The following TBC1D19 variants were observed in gnomAD, a reference collection of about 807,000 sequenced individuals.
The protein encoded by TBC1D19 is TBC1 domain family member 19.
TBC1D19 carries 60 observed loss-of-function variants against 89.0 expected under a neutral mutation model. The observed-to-expected ratio is 0.67, with a 90% confidence interval of 0.55 to 0.84. The LOEUF is 0.84. TBC1D19 is among the 40% of genes least tolerant of loss of function. The pLI is 0.00. For missense variants in TBC1D19, 500 were observed against 610.8 expected, an observed-to-expected ratio of 0.82 and a Z score of 1.91; for synonymous variants, 189 against 199.7, an observed-to-expected ratio of 0.95 and a Z score of 0.45.
At chr4:26,688,918 A>G (rs1714044715) in intron 13 of TBC1D19, among the ~76,000 whole-genome samples, 1 of 152,068 alleles carries the variant, frequency 6.6e-6, no homozygotes, top group Admixed American at 6.6e-5. Flanking sequence ...TAATTTATAT[A>G]GAATTGCTTA....
intron 15 of TBC1D19, among the ~76,000 whole-genome samples, chr4:26,727,385 C>G (rs1030884936): frequency 1.3e-5 from 2 of 152,058 alleles, no homozygotes; most frequent in African/African-American, 4.8e-5. Context: ...TTTTTTGGAG[C>G]CTTAAGCCCA....
At chr4:26,781,118 T>C in the TBC1D19 span, among the ~76,000 whole-genome samples, 2 of 152,162 alleles carry the variant, frequency 1.3e-5, no homozygotes, top group Non-Finnish European at 2.9e-5. Context: ...TTAGAAATAA[T>C]TGTCAGACAC....
At chr4:26,804,370 T>C in the TBC1D19 span, among the ~76,000 whole-genome samples, 581 of 152,346 alleles carry the variant, frequency 3.8e-3, 4 homozygotes, top group Middle Eastern at 0.01. Flanking sequence ...GGTCTTGAAC[T>C]GCTGACCTCA....
chr4:26,579,373 G>T (rs1157030645), upstream of TBC1D19, among the ~76,000 whole-genome samples: 2 of 152,132 alleles, frequency 1.3e-5, no homozygotes, highest in African/African-American at 4.8e-5. Flanking sequence ...ATGTGACAAA[G>T]CTTCAGGCAG....
the TBC1D19 span, among the ~76,000 whole-genome samples, chr4:26,822,732 C>A: frequency 6.6e-6 from 1 of 152,168 alleles, no homozygotes; most frequent in Non-Finnish European, 1.5e-5. Context: ...TAGCTACAGT[C>A]AATCTGCAAC....
At chr4:26,852,555 T>TTAAA in the TBC1D19 span, among the ~76,000 whole-genome samples, 71 of 152,172 alleles carry the variant, frequency 4.7e-4, no homozygotes, top group African/African-American at 1.7e-3. Flanking sequence ...AGACCCTGTC[T>TTAAA]TAAATAAATA....
At chr4:26,791,900 A>G in the TBC1D19 span, among the ~76,000 whole-genome samples, 22 of 152,328 alleles carry the variant, frequency 1.4e-4, no homozygotes, top group African/African-American at 5.3e-4. Context: ...AGCTGGGGCT[A>G]TCAATTTGGA....
intron 15 of TBC1D19, among the ~76,000 whole-genome samples, chr4:26,735,040 G>A (rs13141525): frequency 4.8e-5 from 7 of 147,002 alleles, no homozygotes; most frequent in East Asian, 4.0e-4. Context: ...ATATGTATAT[G>A]TGTACACACA....
At chr4:26,674,109 A>G (rs1253245427) in intron 11 of TBC1D19, among the ~76,000 whole-genome samples, 2 of 152,114 alleles carry the variant, frequency 1.3e-5, no homozygotes, top group Non-Finnish European at 2.9e-5. Flanking sequence ...AATTAATGAA[A>G]TGGTGTGACC....
chr4:26,741,640 T>A (rs1295748435), intron 17 of TBC1D19, among the ~76,000 whole-genome samples: 2 of 151,848 alleles, frequency 1.3e-5, no homozygotes, highest in African/African-American at 4.8e-5. Context: ...TTTTTTTTTT[T>A]TTATTCAGAG....
chr4:26,801,259 T>C, the TBC1D19 span, among the ~76,000 whole-genome samples: 1 of 151,888 alleles, frequency 6.6e-6, no homozygotes, highest in African/African-American at 2.4e-5. Context: ...ATTTATTAAA[T>C]AGGAAATCCT....
intron 7 of TBC1D19, among the ~76,000 whole-genome samples, 179 bp downstream of exon 7, chr4:26,640,366 A>G (rs76159151): frequency 0.011 from 1,707 of 152,326 alleles, 34 homozygotes; most frequent in African/African-American, 0.039. Context: ...ATATTGGAAT[A>G]TGGAAAGATT....
the TBC1D19 span, among the ~76,000 whole-genome samples, chr4:26,846,819 G>C: frequency 6.6e-6 from 1 of 152,040 alleles, no homozygotes; most frequent in African/African-American, 2.4e-5. Context: ...TGCTACACTG[G>C]ACACTGCCAA....
At chr4:26,663,156 T>C (rs1342881961) in intron 8 of TBC1D19, 10 of 152,166 alleles carry the variant, frequency 6.6e-5, no homozygotes, top group Admixed American at 6.6e-4. Flanking sequence ...AGAGTTGTTA[T>C]GGGTTTAAGA....
chr4:26,608,842 A>G (rs891695003), intron 1 of TBC1D19, among the ~76,000 whole-genome samples: 2 of 151,662 alleles, frequency 1.3e-5, no homozygotes, highest in Non-Finnish European at 2.9e-5. Context: ...GAAATTGGGT[A>G]AAAATAGAAT....
chr4:26,753,530 A>C (rs1366436821), intron 19 of TBC1D19, among the ~76,000 whole-genome samples: 1 of 152,236 alleles, frequency 6.6e-6, no homozygotes, highest in African/African-American at 2.4e-5. Flanking sequence ...AAGTGGTTTA[A>C]GTTGTAGGTC....
chr4:26,619,395 C>T (rs891527317), intron 3 of TBC1D19, among the ~76,000 whole-genome samples: 5 of 151,856 alleles, frequency 3.3e-5, no homozygotes, highest in Admixed American at 6.6e-5. Flanking sequence ...TTAGTAGAGA[C>T]GGGGTTTCAC....
At chr4:26,577,419 T>C (rs969575815) in intron 1 of TBC1D19, among the ~76,000 whole-genome samples, 7 of 152,210 alleles carry the variant, frequency 4.6e-5, no homozygotes, top group Non-Finnish European at 7.3e-5. Flanking sequence ...TGGAGGACTC[T>C]GCTGGTCTGG....
chr4:26,717,694 TGTTA>T (rs1340840568), intron 13 of TBC1D19, among the ~76,000 whole-genome samples: 4 of 152,070 alleles, frequency 2.6e-5, no homozygotes, highest in East Asian at 3.9e-4. Flanking sequence ...AAGAGTCAAC[TGTTA>T]GTTAGCAGTT....
Sources: gnomAD v4.1 joint callset for allele counts (sites outside exome capture counted in the v4.1 genomes callset) on GRCh38, gnomAD v4.1.1 for gene constraint, MANE v1.5 for transcripts, NCBI Gene and HGNC (gene_info 2026-07-23, HGNC 2026-07-21) for gene names.